Variants in IWS1 observed in about 807,000 individuals in gnomAD.
IWS1 encodes protein IWS1 homolog.
IWS1 carries 27 observed loss-of-function variants against 86.7 expected under a neutral mutation model. The observed-to-expected ratio is 0.31, with a 90% CI of 0.23 to 0.43. IWS1 has a LOEUF of 0.43. Among genes scored for constraint, IWS1 ranks in the 20% least tolerant of loss-of-function variants. The pLI, the probability that IWS1 is intolerant of heterozygous loss-of-function variation, is 1.00. For synonymous variants in IWS1, 313 were observed against 335.1 expected (o/e 0.93, Z 0.72); for missense variants, 827 against 1,000.8 (o/e 0.83, Z 2.34).
At chr2:127,518,158 T>A (rs1691876477) in intron 2 of IWS1, among the ~76,000 whole-genome samples, 1 of 152,208 alleles carries the variant, frequency 6.6e-6, no homozygotes, top group South Asian at 2.1e-4. Context: ...ATAGCTGGGC[T>A]ACTGTGAAAT....
chr2:127,527,133 C>T (rs578243565), upstream of IWS1, among the ~76,000 whole-genome samples: 16 of 152,280 alleles, frequency 1.1e-4, no homozygotes, highest in African/African-American at 3.9e-4. Flanking sequence ...GAAACCCCCT[C>T]ATCTATTTGT....
intron 6 of IWS1, among the ~76,000 whole-genome samples, chr2:127,497,879 A>C (rs995803795): frequency 6.6e-6 from 1 of 152,202 alleles, no homozygotes; most frequent in South Asian, 2.1e-4. Flanking sequence ...ATTTTTCATA[A>C]GAGTTTACTT....
At chr2:127,524,484 TA>T (rs34885985) in intron 1 of IWS1, among the ~76,000 whole-genome samples, 1 of 151,888 alleles carries the variant, frequency 6.6e-6, no homozygotes, top group African/African-American at 2.4e-5. Context: ...CCCAATACTT[TA>T]AAAAATACAG....
chr2:127,522,862 A>T (rs978442580), intron 2 of IWS1, among the ~76,000 whole-genome samples: 2 of 152,246 alleles, frequency 1.3e-5, no homozygotes, highest in Non-Finnish European at 2.9e-5. Context: ...ATACGTTAAA[A>T]TGTACACAAA....
chr2:127,503,328 G>A (rs1037523118), intron 4 of IWS1, 59 bp downstream of exon 4: 14 of 1,256,228 alleles, frequency 1.1e-5, no homozygotes, highest in Non-Finnish European at 1.6e-5. Context: ...TTATAACACA[G>A]ACCCCTCTCT....
intron 2 of IWS1, among the ~76,000 whole-genome samples, chr2:127,520,350 G>A (rs1692026243): frequency 6.6e-6 from 1 of 152,044 alleles, no homozygotes; most frequent in Non-Finnish European, 1.5e-5. Flanking sequence ...TGTATTTTTA[G>A]TAGAGACGGG....
At chr2:127,511,517 CT>C (rs1451029663) in intron 2 of IWS1, 16 of 152,346 alleles carry the variant, frequency 1.1e-4, no homozygotes, top group Admixed American at 1.0e-3. Flanking sequence ...GTGACGTCTG[CT>C]GACCTGGTTA....
At position 127,489,823 on chromosome 2, in the gene IWS1, C is replaced by G. The variant is rs1219617047; in HGVS notation, c.2159+9G>C. On this transcript the variant is annotated intron_variant, in intron 11 of 13. Transcript: ENST00000295321. The surrounding 1 kb of genome is among the most constrained non-coding windows in gnomAD (Gnocchi z 4.8). ...TGTATTCCACTTACTCATACCTGTT[C>G]CCTCATACCTGTTCATTCTTCGTCG... 1 of 1,451,304 alleles carries G rather than the reference C, an allele frequency of 6.9e-7. No individual in the cohort carries two copies. The highest frequency in any genetic ancestry group is 1.4e-5 in the African/African-American group (1 of 71,690). 89.9% of individuals were successfully genotyped at this position (1,451,304 alleles called of 1,614,324 possible). A position where few individuals can be genotyped will look rare whatever the true frequency, so the allele number is the denominator to read the frequency against.
chr2:127,518,481 T>C (rs1339080118), intron 2 of IWS1, among the ~76,000 whole-genome samples: 2 of 150,520 alleles, frequency 1.3e-5, no homozygotes, highest in African/African-American at 4.9e-5. Context: ...GCCACTACAC[T>C]CCAGCCCGGG....
intron 2 of IWS1, among the ~76,000 whole-genome samples, chr2:127,522,328 C>T (rs1191208830): frequency 6.6e-6 from 1 of 152,170 alleles, no homozygotes; most frequent in African/African-American, 2.4e-5. Flanking sequence ...CCTATATGGT[C>T]CCTATTTAAC....
intron 2 of IWS1, among the ~76,000 whole-genome samples, chr2:127,509,400 T>C (rs781224318): frequency 1.3e-5 from 2 of 152,174 alleles, no homozygotes; most frequent in African/African-American, 4.8e-5. Flanking sequence ...AGAAGGTCCT[T>C]AGATGCTTTA....
intron 6 of IWS1, among the ~76,000 whole-genome samples, chr2:127,497,725 AT>A (rs1341072907): frequency 6.6e-6 from 1 of 152,234 alleles, no homozygotes; most frequent in Non-Finnish European, 1.5e-5. Context: ...AAGATATCAG[AT>A]TTTTCTGAAC....
intron 2 of IWS1, among the ~76,000 whole-genome samples, chr2:127,517,390 T>C (rs1691833248): frequency 6.6e-6 from 1 of 152,190 alleles, no homozygotes; most frequent in South Asian, 2.1e-4. Flanking sequence ...GGCACAAGGA[T>C]AGATGCAGAC....
intron 2 of IWS1, among the ~76,000 whole-genome samples, chr2:127,521,174 C>T (rs1056646700): frequency 2.6e-5 from 4 of 152,318 alleles, no homozygotes; most frequent in Middle Eastern, 6.8e-3. Context: ...ATTGCTTGAA[C>T]CTGGGAGGCG....
intron 10 of IWS1, 100 bp downstream of exon 10, chr2:127,491,871 G>A (rs1462160956): frequency 2.0e-5 from 15 of 751,178 alleles, no homozygotes; most frequent in African/African-American, 8.7e-5. Flanking sequence ...TTACCGACTC[G>A]TTTAAAACAA....
At chr2:127,502,029 T>A (rs1473053907) in intron 5 of IWS1, among the ~76,000 whole-genome samples, 1 of 152,240 alleles carries the variant, frequency 6.6e-6, no homozygotes, top group Non-Finnish European at 1.5e-5. Context: ...CCTAAGTCTA[T>A]TACTATTGTC....
intron 12 of IWS1, among the ~76,000 whole-genome samples, 192 bp from the exon 13 acceptor site, chr2:127,486,856 G>A (rs1175506231): frequency 6.6e-6 from 1 of 152,184 alleles, no homozygotes; most frequent in East Asian, 1.9e-4. Flanking sequence ...ACACACTACA[G>A]TATGCATTCC....
At chr2:127,481,283 G>T in intron 13 of IWS1, 108 bp from the exon 14 acceptor site, 1 of 975,534 alleles carries the variant, frequency 1.0e-6, no homozygotes, top group Non-Finnish European at 1.5e-6. Context: ...TTCTAGCTCT[G>T]GAATAACCAG....
Position 127,503,451 on chromosome 2 carries a change from A to G in IWS1, c.1345T>C (p.Ser449Pro), listed in dbSNP as rs1472511968. Reference protein sequence around the residue: ...DSEEEAGKELSDKKNEEKDLF... With the variant: ...DSEEEAGKELPDKKNEEKDLF... ...TCCTTCTCTTCATTTTTCTTATCAG[A>G]CAATTCTTTCCCAGCTTCTTCCTCA... The change falls in exon 4 of 14, where the codon TCT (serine) becomes CCT (proline). Residue 449 changes from serine (S) to proline (P), a missense_variant. By Grantham distance (74) the Ser-to-Pro change is moderately conservative. Coordinates refer to ENST00000295321, the MANE Select transcript of IWS1 (RefSeq NM_017969.3). 6.2e-7 allele frequency: 1 copy of G among 1,613,434 alleles called. No individual in the cohort carries two copies. The highest frequency in any genetic ancestry group is 1.7e-5 in the Admixed American group (1 of 59,994).
Sources: gnomAD v4.1 joint callset for allele counts (sites outside exome capture counted in the v4.1 genomes callset) on GRCh38, gnomAD v4.1.1 for gene constraint, Gnocchi (gnomAD v3.1) non-coding constraint, MANE v1.5 for transcripts, NCBI Gene and HGNC (gene_info 2026-07-23, HGNC 2026-07-21) for gene names.